The following PPP1R12A variants were observed in gnomAD, a reference collection of about 807,000 sequenced individuals.
PPP1R12A encodes the protein myosin binding subunit.
A neutral mutation model predicts 139.6 loss-of-function variants in PPP1R12A; 19 were observed. The ratio of observed to expected loss-of-function variants is 0.14; its 90% CI spans 0.09 to 0.20. The LOEUF (loss-of-function observed/expected upper bound fraction) is 0.20. PPP1R12A is among the 10% of genes least tolerant of loss of function. The probability of loss-of-function intolerance (pLI) is 1.00; values close to 1 mark genes in which losing one functional copy is unlikely to be tolerated. For missense variants in PPP1R12A, 925 were observed against 1,211.5 expected, an observed-to-expected ratio of 0.76 and a Z score of 3.51; for synonymous variants, 427 against 420.6, an observed-to-expected ratio of 1.02 and a Z score of -0.19.
At chr12:79,842,817 C>G (rs948594315) in intron 3 of PPP1R12A, among the ~76,000 whole-genome samples, 11 of 152,092 alleles carry the variant, frequency 7.2e-5, no homozygotes, top group South Asian at 2.1e-4. Context: ...GATCCTCCCC[C>G]CTTAGCTGGG....
chr12:79,786,483 A>G lies in PPP1R12A; in HGVS notation c.2803-5T>C. ...AGCTAGAATTTGTTCATAAAGCTAT[A>G]AAAATTAGGGTAAAAGAACAAATTA... On this transcript the variant is annotated splice_region_variant and splice_polypyrimidine_tract_variant and intron_variant, in intron 21 of 24. Transcript: ENST00000450142. The G allele has an allele frequency of 6.6e-7, 1 of 1,514,604 alleles. No homozygotes were observed. The highest frequency in any genetic ancestry group is 1.3e-5 in the South Asian group (1 of 78,628). The allele number at this position is 1,514,604 out of a possible 1,614,324, so 93.8% of individuals were successfully genotyped here.
At chr12:79,880,605 T>C (rs935571279) in intron 1 of PPP1R12A, among the ~76,000 whole-genome samples, 12 of 152,290 alleles carry the variant, frequency 7.9e-5, no homozygotes, top group Admixed American at 2.0e-4. Flanking sequence ...AAAAACACTT[T>C]AGAATTTCAA....
intron 1 of PPP1R12A, among the ~76,000 whole-genome samples, chr12:79,877,296 TA>T (rs1270796113): frequency 6.6e-6 from 1 of 152,278 alleles, no homozygotes; most frequent in East Asian, 1.9e-4. Flanking sequence ...TAACAGATGA[TA>T]AAAGAATACA....
intron 1 of PPP1R12A, among the ~76,000 whole-genome samples, chr12:79,920,793 C>T (rs1397058238): frequency 2.6e-5 from 4 of 152,230 alleles, no homozygotes; most frequent in Non-Finnish European, 5.9e-5. Flanking sequence ...GAGTCCCCAA[C>T]AGGCAAGAAG....
chr12:79,833,673 A>C (rs1200696493), intron 3 of PPP1R12A, among the ~76,000 whole-genome samples: 1 of 144,930 alleles, frequency 6.9e-6, no homozygotes, highest in African/African-American at 2.5e-5. Flanking sequence ...AAAAATACAA[A>C]AAAAAAAAAA....
intron 5 of PPP1R12A, among the ~76,000 whole-genome samples, chr12:79,824,760 G>C (rs1367366237): frequency 6.6e-6 from 1 of 152,022 alleles, no homozygotes; most frequent in Non-Finnish European, 1.5e-5. Flanking sequence ...CACATTTATA[G>C]TATATAAGCA....
intron 22 of PPP1R12A, among the ~76,000 whole-genome samples, chr12:79,783,820 G>A (rs900906472): frequency 6.6e-6 from 1 of 152,180 alleles, no homozygotes; most frequent in African/African-American, 2.4e-5. Context: ...AGTTTAGATA[G>A]TATTTTTACT....
chr12:79,863,877 C>T (rs1180397272), intron 2 of PPP1R12A, among the ~76,000 whole-genome samples: 1 of 152,198 alleles, frequency 6.6e-6, no homozygotes, highest in Non-Finnish European at 1.5e-5. Context: ...TAGACTTCCA[C>T]ACAATAATAG....
intron 21 of PPP1R12A, chr12:79,786,776 C>G (rs998661763): frequency 5.1e-6 from 1 of 196,192 alleles, no homozygotes; most frequent in Admixed American, 6.3e-5. Context: ...GGACCACATA[C>G]CTGCACAGCA....
Position 79,796,937 on chromosome 12 carries a change from T to A in PPP1R12A, c.2306A>T (p.Tyr769Phe), listed in dbSNP as rs1263465933. 1 of 1,609,150 alleles carries A rather than the reference T, an allele frequency of 6.2e-7. No homozygotes were observed. Among genetic ancestry groups the A allele is most frequent in the Non-Finnish European group, 8.5e-7 (1 of 1,178,260 alleles). ...TGAACTTGAAGTTGATACTGGCCTA[T>A]AACGCTGGTAAGTCTGTGAAACATT... ...SRTYDETYQR[Y>F]RPVSTSSSTT... The change falls in exon 17 of 25, where the codon TAT becomes TTT. Residue 769 changes from tyrosine (Y) to phenylalanine (F), a missense_variant. Physicochemically the swap from Tyr to Phe is conservative, Grantham distance 22. Transcript: ENST00000450142.
At chr12:79,885,847 A>G (rs1884054632) in intron 1 of PPP1R12A, among the ~76,000 whole-genome samples, 1 of 152,158 alleles carries the variant, frequency 6.6e-6, no homozygotes. Context: ...TCCTCTTCAC[A>G]GAAACAATTC....
chr12:79,873,071 T>C (rs886391729), intron 1 of PPP1R12A, 133 bp from the exon 2 acceptor site: 1 of 1,004,668 alleles, frequency 1.0e-6, no homozygotes, highest in Admixed American at 2.7e-5. Flanking sequence ...TGCTGCTATC[T>C]TGACTATACT....
At chr12:79,891,797 G>A (rs982587990) in intron 1 of PPP1R12A, among the ~76,000 whole-genome samples, 7 of 152,150 alleles carry the variant, frequency 4.6e-5, no homozygotes, top group African/African-American at 1.4e-4. Flanking sequence ...CAAATGTCAT[G>A]CTGGAAGGCA....
At chr12:79,928,034 T>C (rs1273048436) in intron 1 of PPP1R12A, among the ~76,000 whole-genome samples, 1 of 152,266 alleles carries the variant, frequency 6.6e-6, no homozygotes, top group Non-Finnish European at 1.5e-5. Context: ...CAACGTTTTA[T>C]GCCTCCCCCT....
At chr12:79,887,447 A>C (rs1228325928) in intron 1 of PPP1R12A, among the ~76,000 whole-genome samples, 1 of 152,200 alleles carries the variant, frequency 6.6e-6, no homozygotes, top group Admixed American at 6.5e-5. Context: ...TTAAGAAAAA[A>C]AGATAAGCAA....
chr12:79,793,723 C>A, intron 19 of PPP1R12A, 140 bp downstream of exon 19: 1 of 601,408 alleles, frequency 1.7e-6, no homozygotes, highest in Non-Finnish European at 2.8e-6. Context: ...GATCCCCAGG[C>A]AAACACTGAT....
At chr12:79,877,963 A>G (rs750660028) in intron 1 of PPP1R12A, among the ~76,000 whole-genome samples, 1 of 152,186 alleles carries the variant, frequency 6.6e-6, no homozygotes, top group Non-Finnish European at 1.5e-5. Context: ...TTATTCTTTT[A>G]AACCGAAAAA....
At chr12:79,934,103 T>C (rs1888472593) in intron 1 of PPP1R12A, among the ~76,000 whole-genome samples, 1 of 152,106 alleles carries the variant, frequency 6.6e-6, no homozygotes, top group Admixed American at 6.5e-5. Flanking sequence ...AATTACACCC[T>C]GTTTTCCCCT....
chr12:79,775,771 A>T lies in PPP1R12A; in HGVS notation c.*158T>A. The stretch of plus-strand genomic sequence containing the variant: ...AACAACAAAAACACCCCAGAAAATT[A>T]AACAAAATGAAACAAAAATTCTAGA... On this transcript the variant is annotated 3_prime_UTR_variant, in exon 25 of 25. Coordinates refer to ENST00000450142, the MANE Select transcript of PPP1R12A (RefSeq NM_002480.3). The T allele has an allele frequency of 2.2e-6, 1 of 452,330 alleles. No individual in the cohort carries two copies. The highest frequency in any genetic ancestry group is 3.8e-6 in the Non-Finnish European group (1 of 262,008). 28.0% of individuals were successfully genotyped at this position (452,330 alleles called of 1,614,324 possible). A position where few individuals can be genotyped will look rare whatever the true frequency, so the allele number is the denominator to read the frequency against.
Sources: gnomAD v4.1 joint callset for allele counts (sites outside exome capture counted in the v4.1 genomes callset) on GRCh38, gnomAD v4.1.1 for gene constraint, MANE v1.5 for transcripts, NCBI Gene and HGNC (gene_info 2026-07-23, HGNC 2026-07-21) for gene names.